Variants in ACACB observed in about 807,000 individuals in gnomAD.
The protein encoded by ACACB is acetyl-CoA carboxylase beta, also known as acetyl-CoA carboxylase 2.
Under a neutral mutation model 278.8 loss-of-function variants are expected in ACACB, and 209 were observed. The observed-to-expected ratio is 0.75, with a 90% CI of 0.67 to 0.84. The LOEUF is 0.84. Among genes scored for constraint, ACACB ranks in the 40% least tolerant of loss-of-function variants. ACACB has a pLI of 0.00. For synonymous variants in ACACB, 1,174 were observed against 1,285.6 expected (o/e 0.91, Z 1.86); for missense variants, 2,850 against 3,269.0 (o/e 0.87, Z 3.13).
intron 19 of ACACB, among the ~76,000 whole-genome samples, chr12:109,203,329 C>T (rs1196388834): frequency 1.3e-5 from 2 of 152,138 alleles, no homozygotes; most frequent in African/African-American, 2.4e-5. Flanking sequence ...CATGAGTGTA[C>T]GATTTTCTTA....
Position 109,216,610 on chromosome 12 carries a change from C to G in ACACB, c.3351-8C>G. The G allele has an allele frequency of 6.2e-7, 1 of 1,613,952 alleles. No homozygotes were observed. The highest frequency in any genetic ancestry group is 2.2e-5 in the East Asian group (1 of 44,886). ...TGAGCATTAAGAGCAGCCTTCCCTT[C>G]TCCCCAGATACCGCAGCGGGATCCG... On this transcript the variant is annotated splice_polypyrimidine_tract_variant and splice_region_variant and intron_variant, in intron 22 of 52. Coordinates refer to ENST00000338432, the MANE Select transcript of ACACB (RefSeq NM_001093.4).
chr12:109,251,417 T>TA (rs2047091763), intron 41 of ACACB, among the ~76,000 whole-genome samples: 1 of 152,238 alleles, frequency 6.6e-6, no homozygotes. Context: ...GCCTTATTTG[T>TA]ACATGCAATG....
chr12:109,239,642 A>G (rs1409105558), intron 34 of ACACB, among the ~76,000 whole-genome samples, 188 bp from the exon 35 acceptor site: 8 of 152,276 alleles, frequency 5.3e-5, no homozygotes, highest in Non-Finnish European at 8.8e-5. Context: ...ACACATGTCA[A>G]TACACTCAAC....
At chr12:109,251,012 G>T (rs1358055569) in intron 41 of ACACB, among the ~76,000 whole-genome samples, 1 of 152,104 alleles carries the variant, frequency 6.6e-6, no homozygotes, top group African/African-American at 2.4e-5. Context: ...AGGAGGGGCC[G>T]CATGAACAGT....
Position 109,249,967 on chromosome 12 carries a change from T to C in ACACB, c.5670-17T>C. ...TGGGGCTAGAGCCCAGCCTTTAACC[T>C]GTGCTTGCTTTTGAAGATACATGAT... On this transcript the variant is annotated splice_polypyrimidine_tract_variant and intron_variant, in intron 40 of 52. Coordinates refer to ENST00000338432, the MANE Select transcript of ACACB (RefSeq NM_001093.4). 6.2e-7 allele frequency: 1 copy of C among 1,607,940 alleles called. No individual in the cohort carries two copies. Among genetic ancestry groups the C allele is most frequent in the African/African-American group, 1.3e-5 (1 of 74,692 alleles).
At chr12:109,154,183 C>G (rs1004066375) in intron 2 of ACACB, among the ~76,000 whole-genome samples, 6 of 152,208 alleles carry the variant, frequency 3.9e-5, no homozygotes, top group Non-Finnish European at 8.8e-5. Context: ...CTGGGGTCCT[C>G]CCTGTCCTGG....
intron 2 of ACACB, among the ~76,000 whole-genome samples, chr12:109,142,340 A>G (rs529895403): frequency 6.6e-6 from 1 of 152,310 alleles, no homozygotes; most frequent in Admixed American, 6.5e-5. Context: ...ATGCCAAAAT[A>G]GTCGTGAAGA....
In ACACB at chr12:109,235,355, T is replaced by G. The variant is rs750476301; in HGVS notation, c.4390T>G (p.Leu1464Val). 5 of 1,614,142 alleles carry G rather than the reference T, an allele frequency of 3.1e-6. No homozygotes were observed. In the Admixed American group the frequency reaches 8.3e-5, roughly 27 times the overall value. ...VDYGLRRITF[L>V]IAQEKEFPKF... The stretch of plus-strand genomic sequence containing the variant: ...TTATGGACTCCGACGAATCACATTC[T>G]TGATTGCCCAAGAGGTTAGTTCACA... The change falls in exon 32 of 53, where the codon TTG (leucine) becomes GTG (valine). Residue 1464 changes from leucine to valine, a missense_variant. Physicochemically the swap from Leu to Val is conservative, Grantham distance 32. Coordinates refer to ENST00000338432, the MANE Select transcript of ACACB (RefSeq NM_001093.4).
intron 34 of ACACB, among the ~76,000 whole-genome samples, chr12:109,239,009 C>T (rs553536631): frequency 7.9e-5 from 12 of 152,210 alleles, no homozygotes; most frequent in East Asian, 5.8e-4. Flanking sequence ...CTCTGCCTCC[C>T]GGGTTCAAGC....
intron 11 of ACACB, among the ~76,000 whole-genome samples, chr12:109,181,840 C>CTTTTTTTTTTTTTTTTTT (rs34174568): frequency 2.5e-5 from 2 of 81,550 alleles, no homozygotes; most frequent in African/African-American, 5.1e-5. Context: ...TTTTCCTTTC[C>CTTTTTTTTTTTTTTTTTT]TTTTTTTTTT....
intron 1 of ACACB, among the ~76,000 whole-genome samples, chr12:109,132,666 T>C (rs2042859788): frequency 6.6e-6 from 1 of 152,210 alleles, no homozygotes; most frequent in Admixed American, 6.5e-5. Context: ...GAGTTTCTTC[T>C]GTAGCTTTCT....
chr12:109,152,640 C>CTTTTTTTTTTTTTTTTTTTTTTTTTTTT (rs34863094), intron 2 of ACACB, among the ~76,000 whole-genome samples: 1 of 74,840 alleles, frequency 1.3e-5, no homozygotes, highest in Non-Finnish European at 2.5e-5. Context: ...TTCTTTCTTT[C>CTTTTTTTTTTTTTTTTTTTTTTTTTTTT]TTTTTTTTTT....
At chr12:109,185,480 C>A in intron 11 of ACACB, 99 bp from the exon 12 acceptor site, 1 of 1,315,876 alleles carries the variant, frequency 7.6e-7, no homozygotes, top group Non-Finnish European at 1.1e-6. Flanking sequence ...TATCCTAAAT[C>A]ATTGACTGAA....
At chr12:109,239,678 G>A (rs2046737567) in intron 34 of ACACB, 152 bp from the exon 35 acceptor site, 1 of 868,208 alleles carries the variant, frequency 1.2e-6, no homozygotes, top group African/African-American at 1.7e-5. Flanking sequence ...TCGCCTCTGA[G>A]AGGCAGGGCT....
chr12:109,119,376 G>A (rs1363042257), intron 1 of ACACB, among the ~76,000 whole-genome samples: 1 of 151,608 alleles, frequency 6.6e-6, no homozygotes, highest in African/African-American at 2.4e-5. Context: ...GATCACTTGA[G>A]GTCAGGAGTT....
rs371701828 is a variant in ACACB, at chr12:109,193,690, T to A, written c.2442T>A (p.Asp814Glu). 7 of 1,613,818 alleles carry A rather than the reference T, an allele frequency of 4.3e-6. No homozygotes were observed. In the African/African-American group the frequency reaches 9.3e-5, roughly 22 times the overall value. Residue 814 changes from aspartate (D) to glutamate (E), a missense_variant, in exon 16 of 53, where the codon GAT becomes GAA. Around this residue, in one of 3 missense-constraint regions of ACACB, gnomAD observed 2,265 missense variants for 2,561.3 expected, o/e 0.88. Coordinates refer to ENST00000338432, the MANE Select transcript of ACACB (RefSeq NM_001093.4). ...CGGATTCACTACTGAACCTCGTAGA[T>A]GTGGAATTAATTTACGGAGGTGTTA... is the stretch of plus-strand genomic sequence containing the variant. ...LPADSLLNLVDVELIYGGVKY... is the reference protein window; with the variant it reads ...LPADSLLNLVEVELIYGGVKY...
intron 32 of ACACB, 91 bp downstream of exon 32, chr12:109,235,460 G>A: frequency 1.4e-6 from 2 of 1,469,804 alleles, no homozygotes; most frequent in Admixed American, 1.7e-5. Context: ...AGATTTGGGT[G>A]AAAGAGATCA....
intron 2 of ACACB, among the ~76,000 whole-genome samples, chr12:109,149,394 TG>T (rs1356364123): frequency 6.6e-6 from 1 of 151,912 alleles, no homozygotes; most frequent in African/African-American, 2.4e-5. Flanking sequence ...CCTTTATATG[TG>T]GAGGAATGGA....
intron 4 of ACACB, 83 bp from the exon 5 acceptor site, chr12:109,171,722 G>A: frequency 9.7e-7 from 1 of 1,028,874 alleles, no homozygotes; most frequent in Non-Finnish European, 1.5e-6. Flanking sequence ...TTCCATGGCT[G>A]TACATAGTCA....
Sources: gnomAD v4.1 joint callset for allele counts (sites outside exome capture counted in the v4.1 genomes callset) on GRCh38, gnomAD v4.1.1 for gene constraint, gnomAD v4.1.1 regional missense constraint, MANE v1.5 for transcripts, NCBI Gene and HGNC (gene_info 2026-07-23, HGNC 2026-07-21) for gene names.